CREBBP: variants seen among roughly 807,000 people sequenced by gnomAD.
The protein encoded by CREBBP is CREB-binding protein.
A neutral mutation model predicts 265.0 loss-of-function variants in CREBBP; 19 were observed. The ratio of observed to expected loss-of-function variants is 0.07; its 90% CI spans 0.05 to 0.11. CREBBP has a LOEUF of 0.11. Among genes scored for constraint, CREBBP ranks in the 10% least tolerant of loss-of-function variants. CREBBP has a pLI of 1.00. For synonymous variants in CREBBP, 1,457 were observed against 1,223.7 expected (o/e 1.19, Z -3.98); for missense variants, 2,525 against 3,219.0 (o/e 0.78, Z 5.22).
intron 26 of CREBBP, among the ~76,000 whole-genome samples, chr16:3,737,890 G>A (rs559162825): frequency 1.8e-4 from 27 of 151,644 alleles, no homozygotes; most frequent in African/African-American, 6.5e-4. Flanking sequence ...TGGATTCAAG[G>A]AATTCTCCTG....
In CREBBP at chr16:3,725,616, CAG is replaced by C. The variant is rs1415082798; in HGVS notation, c.*2100_*2101del. Reference sequence around the variant, plus strand: ...TGGGATGGGGTGAATGGGGGCTGGTCAGGGGTGCCAGATGGTGGTCTTATTTT... The same window carrying C: ...TGGGATGGGGTGAATGGGGGCTGGTCGGGTGCCAGATGGTGGTCTTATTTT... On this transcript the variant is annotated 3_prime_UTR_variant, in exon 31 of 31. Coordinates refer to ENST00000262367, the MANE Select transcript of CREBBP (RefSeq NM_004380.3). 1 of 233,210 alleles carries C rather than the reference CAG, an allele frequency of 4.3e-6. No individual in the cohort carries two copies. Among genetic ancestry groups the C allele is most frequent in the Non-Finnish European group, 8.5e-6 (1 of 118,074 alleles). The allele number at this position is 233,210 out of a possible 1,614,324, so 14.4% of individuals were successfully genotyped here.
At chr16:3,851,096 G>C in intron 1 of CREBBP, 87 bp from the exon 2 acceptor site, 3 of 1,134,806 alleles carry the variant, frequency 2.6e-6, no homozygotes, top group South Asian at 1.3e-5. Context: ...TAACCTAATG[G>C]GGCATTCAGC....
chr16:3,794,544 C>T (rs1245591131), intron 3 of CREBBP, among the ~76,000 whole-genome samples: 1 of 152,068 alleles, frequency 6.6e-6, no homozygotes, highest in Non-Finnish European at 1.5e-5. Context: ...AATACAACCA[C>T]CCAGTGCAAT....
chr16:3,778,253 G>C, intron 9 of CREBBP, 71 bp from the exon 10 acceptor site: 3 of 1,291,478 alleles, frequency 2.3e-6, no homozygotes, highest in Non-Finnish European at 3.4e-6. Context: ...TGTGTTGTAG[G>C]TTCTAACTAA....
intron 2 of CREBBP, among the ~76,000 whole-genome samples, chr16:3,843,235 C>A (rs2054600328): frequency 6.6e-6 from 1 of 152,116 alleles, no homozygotes; most frequent in Non-Finnish European, 1.5e-5. Flanking sequence ...ACTTCTTAAT[C>A]TGTAACATGT....
chr16:3,751,585 T>C (rs2052475032), intron 20 of CREBBP, 141 bp downstream of exon 20: 1 of 794,890 alleles, frequency 1.3e-6, no homozygotes, highest in Non-Finnish European at 2.1e-6. Context: ...AATGAGAACC[T>C]GTCTCAAAAA....
In CREBBP at chr16:3,774,954, G is replaced by T. The variant is rs371791120; in HGVS notation, c.2159-261C>A. On this transcript the variant is annotated intron_variant, in intron 11 of 30. Transcript: ENST00000262367. ...GACGAGGACATGAAGGCATAAGGTT[G>T]GGTAAGACAGGAACAAGTGAGACAT... 2.6e-5 allele frequency among the ~76,000 whole-genome samples: 4 copies of T among 152,238 alleles called. No homozygotes were observed. In the East Asian group the frequency reaches 7.7e-4, roughly 29 times the overall value.
chr16:3,833,177 C>CT (rs2054376387), intron 2 of CREBBP, among the ~76,000 whole-genome samples: 1 of 152,220 alleles, frequency 6.6e-6, no homozygotes, highest in Non-Finnish European at 1.5e-5. Flanking sequence ...CTTTGGGAGG[C>CT]TGAGATGGGC....
At chr16:3,765,015 T>G (rs901968338) in intron 16 of CREBBP, among the ~76,000 whole-genome samples, 3 of 152,180 alleles carry the variant, frequency 2.0e-5, no homozygotes, top group African/African-American at 7.2e-5. Flanking sequence ...CGTCTCGCTC[T>G]GTCTCCCAGG....
chr16:3,734,196 A>G (rs570726007), intron 28 of CREBBP, among the ~76,000 whole-genome samples: 83 of 152,134 alleles, frequency 5.5e-4, no homozygotes, highest in African/African-American at 1.9e-3. Flanking sequence ...CCCAGAATTG[A>G]CAGCATGATG....
Position 3,728,802 on chromosome 16 carries a change from T to C in CREBBP, c.6245A>G (p.Gln2082Arg). The change falls in exon 31 of 31, where the codon CAG becomes CGG. Residue 2082 changes from glutamine (Q) to arginine (R), a missense_variant. Around this residue, in one of 19 missense-constraint regions of CREBBP, gnomAD observed 275 missense variants for 276.5 expected, o/e 0.99. Coordinates refer to ENST00000262367, the MANE Select transcript of CREBBP (RefSeq NM_004380.3). The surrounding 1 kb of genome is among the most constrained non-coding windows in gnomAD (Gnocchi z 8.7). ...GAGAATGTTCAGCACCTGCTGTTGCTGCTGAGGGGAGCTGGGCGACTTCAG... is the reference window on the plus strand; with the variant it reads ...GAGAATGTTCAGCACCTGCTGTTGCCGCTGAGGGGAGCTGGGCGACTTCAG... ...RTLKSPSSPQQQQQVLNILKS... is the reference protein window; with the variant it reads ...RTLKSPSSPQRQQQVLNILKS... 1 of 1,613,730 alleles carries C rather than the reference T, an allele frequency of 6.2e-7. No individual in the cohort carries two copies. Among genetic ancestry groups the C allele is most frequent in the Non-Finnish European group, 8.5e-7 (1 of 1,180,002 alleles).
At chr16:3,785,463 A>C (rs1232533207) in intron 5 of CREBBP, among the ~76,000 whole-genome samples, 1 of 152,234 alleles carries the variant, frequency 6.6e-6, no homozygotes, top group Non-Finnish European at 1.5e-5. Flanking sequence ...AATCAGGCTC[A>C]TGTCACGTTC....
chr16:3,793,601 A>G lies in CREBBP; in HGVS notation c.1001T>C (p.Ile334Thr). The stretch of plus-strand genomic sequence containing the variant: ...TGTTGCAATTGCTTGTGTGGGTACA[A>G]TTCCCACTGATGTTTGCATCTGAGA... ...NMSQMQTSVGIVPTQAIATGP... is the reference protein window; with the variant it reads ...NMSQMQTSVGTVPTQAIATGP... The change falls in exon 4 of 31, where the codon ATT (isoleucine) becomes ACT (threonine). Residue 334 changes from isoleucine (I) to threonine (T), a missense_variant. Ile to Thr is a moderately conservative substitution (Grantham distance 89, BLOSUM62 -1). Around this residue, in one of 19 missense-constraint regions of CREBBP, gnomAD observed 126 missense variants for 171.9 expected, o/e 0.73. Coordinates refer to ENST00000262367, the MANE Select transcript of CREBBP (RefSeq NM_004380.3). 1 of 1,613,408 alleles carries G rather than the reference A, an allele frequency of 6.2e-7. No homozygotes were observed.
chr16:3,792,493 G>A (rs2053525640), intron 4 of CREBBP, among the ~76,000 whole-genome samples: 1 of 152,208 alleles, frequency 6.6e-6, no homozygotes, highest in Non-Finnish European at 1.5e-5. Context: ...AAGAAATACA[G>A]ATAGAGAAGC....
intron 16 of CREBBP, among the ~76,000 whole-genome samples, chr16:3,760,480 G>A (rs2052692226): frequency 7.7e-6 from 1 of 129,330 alleles, no homozygotes; most frequent in African/African-American, 2.9e-5. Flanking sequence ...TCGGCTCACA[G>A]CAACCTCAGC....
At position 3,728,500 on chromosome 16, in the gene CREBBP, C is replaced by T. The variant is rs2151303310; in HGVS notation, c.6547G>A (p.Ala2183Thr). The T allele has an allele frequency of 6.2e-7, 1 of 1,613,998 alleles. No individual in the cohort carries two copies. The highest frequency in any genetic ancestry group is 8.5e-7 in the Non-Finnish European group (1 of 1,179,988). The change falls in exon 31 of 31, where the codon GCG becomes ACG. Residue 2183 changes from alanine to threonine, a missense_variant. Around this residue, in one of 19 missense-constraint regions of CREBBP, gnomAD observed 473 missense variants for 459.3 expected, o/e 1.03. Coordinates refer to ENST00000262367, the MANE Select transcript of CREBBP (RefSeq NM_004380.3). This position sits in a 1 kb window ranked among gnomAD's most constrained non-coding sequence, Gnocchi z 8.7. ...IMNPGHNPNM[A>T]SMNPQYREML... ...TCTCGGTACTGTGGATTCATACTCGCCATGTTGGGGTTGTGTCCTGGGTTC... is the reference window on the plus strand; with the variant it reads ...TCTCGGTACTGTGGATTCATACTCGTCATGTTGGGGTTGTGTCCTGGGTTC...
At chr16:3,781,118 C>G (rs972093981) in intron 7 of CREBBP, 86 bp downstream of exon 7, 1 of 1,317,474 alleles carries the variant, frequency 7.6e-7, no homozygotes, top group African/African-American at 1.4e-5. Context: ...ATTTTCTCTG[C>G]CACACATTTA....
intron 2 of CREBBP, among the ~76,000 whole-genome samples, chr16:3,822,115 T>C (rs1266436327): frequency 6.6e-6 from 1 of 152,096 alleles, no homozygotes; most frequent in Non-Finnish European, 1.5e-5. Flanking sequence ...GCAATCCAAC[T>C]ATGGCCCAGC....
chr16:3,849,477 GTGT>G (rs2054777003), intron 2 of CREBBP, among the ~76,000 whole-genome samples: 1 of 121,862 alleles, frequency 8.2e-6, no homozygotes, highest in Non-Finnish European at 1.7e-5. Context: ...GTGTGTGTGT[GTGT>G]GTGTGTGTGA....
Sources: allele counts gnomAD v4.1 joint callset (sites outside exome capture counted in the v4.1 genomes callset), GRCh38; gene constraint gnomAD v4.1.1; regional missense constraint gnomAD v4.1.1; non-coding constraint Gnocchi (gnomAD v3.1); transcripts MANE v1.5; gene names NCBI Gene and HGNC (gene_info 2026-07-23, HGNC 2026-07-21).